Variants in CITED1 observed in about 807,000 individuals in gnomAD.
The protein encoded by CITED1 is Cbp/p300 interacting transactivator with ED-rich tail 1, also known as cbp/p300-interacting transactivator 1.
In CITED1, 3 loss-of-function variants were observed where a neutral mutation model predicts 8.5. The observed-to-expected ratio is 0.35, with a 90% CI of 0.16 to 0.91. The LOEUF (loss-of-function observed/expected upper bound fraction) is 0.91. Ranked by LOEUF, CITED1 falls within the 40% of genes least tolerant of loss-of-function variation. The probability of loss-of-function intolerance (pLI) is 0.46; values close to 1 mark genes in which losing one functional copy is unlikely to be tolerated. For synonymous variants in CITED1, 54 were observed against 67.4 expected, an observed-to-expected ratio of 0.80 and a Z score of 0.97; for missense variants, 113 against 154.8, an observed-to-expected ratio of 0.73 and a Z score of 1.43.
At chrX:72,304,069 T>A in intron 1 of CITED1, 2 of 563,160 alleles carry the variant, frequency 3.6e-6, no homozygotes, top group Non-Finnish European at 4.3e-6. Context: ...AAAAGCCCCA[T>A]ATATTCTAGC....
At chrX:72,303,932 T>C (rs968937585) in intron 1 of CITED1, among the ~76,000 whole-genome samples, 1 of 110,746 alleles carries the variant, frequency 9.0e-6, no homozygotes, top group Non-Finnish European at 1.9e-5. Flanking sequence ...AAATGTCCCA[T>C]AGCTAGGCAC....
At chrX:72,302,957 G>A in intron 1 of CITED1, 23 bp from the exon 2 acceptor site, 3 of 1,200,600 alleles carry the variant, frequency 2.5e-6, no homozygotes, top group Non-Finnish European at 3.4e-6. Context: ...AAGAAGCAGT[G>A]GTAAGGGCAA....
intron 1 of CITED1, chrX:72,305,486 G>A (rs961403549): frequency 2.2e-5 from 10 of 445,104 alleles, no homozygotes; most frequent in African/African-American, 2.0e-4. Context: ...ATGGAGCCGC[G>A]GAACCGGGGG....
At position 72,305,892 on chromosome X, in the gene CITED1, G is replaced by T. The variant is rs2043334336; in HGVS notation, c.-133C>A. 1 of 112,834 alleles carries T rather than the reference G, an allele frequency of 8.9e-6. No individual in the cohort carries two copies. Among genetic ancestry groups the T allele is most frequent in the South Asian group, 3.7e-4 (1 of 2,689 alleles). 9.3% of individuals were successfully genotyped at this position (112,834 alleles called of 1,213,427 possible). A position where few individuals can be genotyped will look rare whatever the true frequency, so the allele number is the denominator to read the frequency against. On this transcript the variant is annotated 5_prime_UTR_variant, in exon 1 of 3. Coordinates refer to ENST00000651998, the MANE Select transcript of CITED1 (RefSeq NM_001144887.2). ...GCCAGGTCTCTCTGACTCCAAGTCC[G>T]GTGCTCTGCGAAGCAGGGACTCGGC...
In CITED1 at chrX:72,301,750, G is replaced by T; in HGVS notation, c.555C>A (p.Phe185Leu). The change falls in exon 3 of 3, where the codon TTC (phenylalanine) becomes TTA (leucine). Residue 185 changes from phenylalanine to leucine, a missense_variant. Physicochemically the swap from Phe to Leu is conservative, Grantham distance 22. Transcript: ENST00000651998. ...ELWLGQNEFDFTADFPSSC is the reference protein window; with the variant it reads ...ELWLGQNEFDLTADFPSSC Reference sequence around the variant, plus strand: ...AGCAGCTAGATGGAAAGTCCGCAGTGAAGTCAAACTCATTCTGCCCCAGCC... The same window carrying T: ...AGCAGCTAGATGGAAAGTCCGCAGTTAAGTCAAACTCATTCTGCCCCAGCC... 5.8e-6 allele frequency: 7 copies of T among 1,211,788 alleles called. No homozygotes were observed. Among genetic ancestry groups the T allele is most frequent in the Non-Finnish European group, 6.7e-6 (6 of 895,346 alleles).
chrX:72,305,387 G>T, intron 1 of CITED1: 1 of 930,228 alleles, frequency 1.1e-6, no homozygotes, highest in Admixed American at 2.6e-5. Context: ...GCTTGGACGC[G>T]CTCTAACCAG....
rs774557716 is a variant in CITED1 at position 72,302,702 on chromosome X, T to C, written c.60+108A>G. 83 of 682,064 alleles carry C rather than the reference T, an allele frequency of 1.2e-4. No individual in the cohort carries two copies. In the South Asian group the frequency reaches 2.2e-3, roughly 18 times the overall value. 56.2% of individuals were successfully genotyped at this position (682,064 alleles called of 1,213,427 possible). On this transcript the variant is annotated intron_variant, in intron 2 of 2. Coordinates refer to ENST00000651998, the MANE Select transcript of CITED1 (RefSeq NM_001144887.2). ...TCATTCTCCCCAGAGATAGTCCTGTTGTCTCCTCTCTGCTCAAGGACACTG... is the reference window on the plus strand; with the variant it reads ...TCATTCTCCCCAGAGATAGTCCTGTCGTCTCCTCTCTGCTCAAGGACACTG...
chrX:72,305,992 G>T (rs1384440898), upstream of CITED1: 1 of 111,519 alleles, frequency 9.0e-6, no homozygotes. Flanking sequence ...TGTGTCGGGG[G>T]AGGGGAGGGC....
rs201027231 is a variant in CITED1 at position 72,301,698 on chromosome X, C to T, written c.*25G>A. On this transcript the variant is annotated 3_prime_UTR_variant, in exon 3 of 3. Coordinates refer to ENST00000651998, the MANE Select transcript of CITED1 (RefSeq NM_001144887.2). ...TTACAACAGAATTGGTGGCTTTATTCCTCCATCTTTAGGGACACTTGGCAT... is the reference window on the plus strand; with the variant it reads ...TTACAACAGAATTGGTGGCTTTATTTCTCCATCTTTAGGGACACTTGGCAT... The T allele has an allele frequency of 2.2e-4, 269 of 1,201,531 alleles. No homozygotes were observed. In the African/African-American group the frequency reaches 4.2e-3, roughly 19 times the overall value.
rs763274865 is a variant in CITED1, at chrX:72,301,738, A to G, written c.567T>C (p.Phe189=). 8.3e-6 allele frequency: 10 copies of G among 1,209,048 alleles called. No homozygotes were observed. The African/African-American group carries it at 1.7e-4, about 21-fold the overall frequency. ...ACACTTGGCATTAGCAGCTAGATGG[A>G]AAGTCCGCAGTGAAGTCAAACTCAT... ...GQNEFDFTAD[F]PSSC The change falls in exon 3 of 3, where the codon TTT becomes TTC. Residue 189 remains phenylalanine (F), a synonymous_variant. Transcript: ENST00000651998.
At chrX:72,306,737 C>G (rs1014407360), upstream of CITED1, 2 of 101,623 alleles carry the variant, frequency 2.0e-5, no homozygotes, top group African/African-American at 7.1e-5. Context: ...CCCGCCCGCC[C>G]GCAGCTTCGG....
At chrX:72,305,225 G>C (rs1947979807) in intron 1 of CITED1, 19 of 965,852 alleles carry the variant, frequency 2.0e-5, no homozygotes, top group Non-Finnish European at 2.7e-5. Flanking sequence ...GAAGGGGAGA[G>C]GGAAAAGAGA....
chrX:72,304,701 A>T (rs1456262150), intron 1 of CITED1, among the ~76,000 whole-genome samples: 2 of 111,707 alleles, frequency 1.8e-5, no homozygotes, highest in African/African-American at 6.5e-5. Context: ...AGAGAGAACG[A>T]GCAAAAAAAC....
At chrX:72,306,260 G>A, upstream of CITED1, among the ~76,000 whole-genome samples, 1 of 110,864 alleles carries the variant, frequency 9.0e-6, no homozygotes, top group East Asian at 2.9e-4. Flanking sequence ...ACCCGGCCCC[G>A]CTGGCCGGCA....
At chrX:72,306,249 C>A (rs1165576943), upstream of CITED1, among the ~76,000 whole-genome samples, 14 of 111,078 alleles carry the variant, frequency 1.3e-4, no homozygotes, top group African/African-American at 4.6e-4. Context: ...GAGAAGCGGG[C>A]ACCCGGCCCC....
rs764856048 is a variant in CITED1 at position 72,301,968 on chromosome X, C to T, written c.337G>A (p.Gly113Ser). The change falls in exon 3 of 3, where the codon GGC becomes AGC. Residue 113 changes from glycine (G) to serine (S), a missense_variant. By Grantham distance (56) the Gly-to-Ser change is moderately conservative (BLOSUM62 0). Transcript: ENST00000651998. ...AGGGGTCCTGCCTCCCCGGGTTGGC[C>T]TGGAGTGGCAGCAGCCATCCCCTGA... is the stretch of plus-strand genomic sequence containing the variant. ...QYQGMAAATP[G>S]QPGEAGPLQN... 8.3e-7 allele frequency: 1 copy of T among 1,210,570 alleles called. No homozygotes were observed. Among genetic ancestry groups the T allele is most frequent in the African/African-American group, 1.7e-5 (1 of 57,459 alleles).
chrX:72,305,547 GC>G (rs1246856658), intron 1 of CITED1: 1 of 381,818 alleles, frequency 2.6e-6, no homozygotes, highest in African/African-American at 2.6e-5. Flanking sequence ...GGCCACCGGG[GC>G]CCTGAGCGTC....
At position 72,302,797 on chromosome X, in the gene CITED1, T is replaced by C. The variant is rs2043301875; in HGVS notation, c.60+13A>G. On this transcript the variant is annotated intron_variant, in intron 2 of 2. Transcript: ENST00000651998. The stretch of plus-strand genomic sequence containing the variant: ...GTCTTTCCCTGCCTCATCTGTAAAA[T>C]GGCAAAAATTACCTCCTTCGCAGGT... 1 of 1,199,367 alleles carries C rather than the reference T, an allele frequency of 8.3e-7. No homozygotes were observed. The highest frequency in any genetic ancestry group is 3.0e-5 in the East Asian group (1 of 33,456).
rs779055680 is a variant in CITED1, at chrX:72,302,858, CGTT to C, written c.9_11del (p.Thr4del). 2 of 1,210,013 alleles carry C rather than the reference CGTT, an allele frequency of 1.7e-6. No homozygotes were observed. Among genetic ancestry groups the C allele is most frequent in the Non-Finnish European group, 2.2e-6 (2 of 894,660 alleles). ...CCTTGACATCAAGTGCAGGCCTCGA[CGTT>C]GTTGGCATTTCAGAGCCTTGGCAGA... On this transcript the variant is annotated inframe_deletion, in exon 2 of 3. Coordinates refer to ENST00000651998, the MANE Select transcript of CITED1 (RefSeq NM_001144887.2).
Sources: gnomAD v4.1 joint callset for allele counts (sites outside exome capture counted in the v4.1 genomes callset) on GRCh38, gnomAD v4.1.1 for gene constraint, MANE v1.5 for transcripts, NCBI Gene and HGNC (gene_info 2026-07-23, HGNC 2026-07-21) for gene names.